Variants in AGMO observed in about 807,000 individuals in gnomAD.
AGMO encodes the protein alkylglycerol monooxygenase.
A neutral mutation model predicts 60.2 loss-of-function variants in AGMO; 75 were observed. The ratio of observed to expected loss-of-function variants is 1.25; its 90% confidence interval spans 1.03 to 1.51. AGMO has a LOEUF of 1.51. Among genes scored for constraint, AGMO ranks in the 40% most tolerant of loss-of-function variants. The pLI is 0.00. For synonymous variants in AGMO, 261 were observed against 177.1 expected (o/e 1.47, Z -3.76); for missense variants, 763 against 525.5 (o/e 1.45, Z -4.42).
intron 5 of AGMO, chr7:15,396,410 G>C (rs532184692): frequency 6.6e-6 from 1 of 152,182 alleles, no homozygotes; most frequent in East Asian, 1.9e-4. Context: ...GAGTTTCCTT[G>C]GTTCAGTAAC....
At chr7:15,179,246 C>A in the AGMO span, among the ~76,000 whole-genome samples, 1 of 152,054 alleles carries the variant, frequency 6.6e-6, no homozygotes, top group Non-Finnish European at 1.5e-5. Context: ...TAGCATCAAC[C>A]CCAAAGTCCA....
chr7:15,463,068 T>G (rs1782187230), intron 3 of AGMO, among the ~76,000 whole-genome samples: 1 of 152,144 alleles, frequency 6.6e-6, no homozygotes, highest in Non-Finnish European at 1.5e-5. Context: ...GAATAAGATA[T>G]AAAAATAAGT....
chr7:15,464,879 C>T (rs1194595831), intron 3 of AGMO, among the ~76,000 whole-genome samples: 1 of 152,108 alleles, frequency 6.6e-6, no homozygotes, highest in Non-Finnish European at 1.5e-5. Context: ...GAAATAATAA[C>T]TTGATAGCTT....
chr7:15,484,626 T>A (rs191577146), intron 3 of AGMO, among the ~76,000 whole-genome samples: 1 of 152,280 alleles, frequency 6.6e-6, no homozygotes, highest in Admixed American at 6.5e-5. Context: ...GCTCTTGAAA[T>A]GTTTTGACAA....
chr7:15,545,390 T>A (rs2078047810), intron 2 of AGMO, among the ~76,000 whole-genome samples: 1 of 152,114 alleles, frequency 6.6e-6, no homozygotes, highest in South Asian at 2.1e-4. Context: ...TTCAAATATT[T>A]TGATCCCATA....
At chr7:15,154,086 A>G in the AGMO span, among the ~76,000 whole-genome samples, 1 of 152,270 alleles carries the variant, frequency 6.6e-6, no homozygotes, top group East Asian at 1.9e-4. Flanking sequence ...AGGAAATCAA[A>G]CTGTTACTGT....
chr7:15,413,420 A>C (rs2128492932), intron 5 of AGMO, among the ~76,000 whole-genome samples: 1 of 152,284 alleles, frequency 6.6e-6, no homozygotes, highest in Middle Eastern at 3.4e-3. Flanking sequence ...ACAATGTTTA[A>C]GAAAATCATG....
At chr7:15,507,175 T>C (rs200580808) in intron 3 of AGMO, among the ~76,000 whole-genome samples, 2 of 151,994 alleles carry the variant, frequency 1.3e-5, no homozygotes, top group East Asian at 3.9e-4. Flanking sequence ...AAGGACAAAG[T>C]GCTATCAGCA....
At chr7:15,541,743 T>C (rs145291453) in intron 3 of AGMO, among the ~76,000 whole-genome samples, 104 of 152,180 alleles carry the variant, frequency 6.8e-4, no homozygotes, top group African/African-American at 2.4e-3. Context: ...CACAAACAAA[T>C]GACAACAACA....
chr7:15,159,802 T>A, the AGMO span, among the ~76,000 whole-genome samples: 1 of 152,180 alleles, frequency 6.6e-6, no homozygotes, highest in Non-Finnish European at 1.5e-5. Context: ...TACATGCGAT[T>A]CTCAAGGTCC....
intron 12 of AGMO, among the ~76,000 whole-genome samples, chr7:15,250,802 C>A (rs192646619): frequency 6.6e-6 from 1 of 151,612 alleles, no homozygotes; most frequent in African/African-American, 2.4e-5. Context: ...AAAATGAGAC[C>A]GGCATGGTGG....
chr7:15,322,927 T>C (rs1298130253), intron 12 of AGMO, among the ~76,000 whole-genome samples: 3 of 147,694 alleles, frequency 2.0e-5, no homozygotes, highest in African/African-American at 4.9e-5. Flanking sequence ...TATATGTGTT[T>C]ACATATGTGT....
In AGMO at chr7:15,557,640, A is replaced by G. The variant is rs79851180; in HGVS notation, c.257+2501T>C. 9.4e-4 allele frequency among the ~76,000 whole-genome samples: 143 copies of G among 151,940 alleles called. 2 individuals carry two copies. The East Asian group carries it at 0.026, about 28-fold the overall frequency. Reference sequence around the variant, plus strand: ...AAATAAAATAAAAATATTTTTCACCATAGTTTTATATAACAAAACAAAAAA... The same window carrying G: ...AAATAAAATAAAAATATTTTTCACCGTAGTTTTATATAACAAAACAAAAAA... On this transcript the variant is annotated intron_variant, in intron 2 of 12. Transcript: ENST00000342526.
chr7:15,289,580 A>G (rs997010803), intron 12 of AGMO, among the ~76,000 whole-genome samples: 9 of 152,206 alleles, frequency 5.9e-5, no homozygotes, highest in African/African-American at 2.2e-4. Context: ...AGCAGTTCAT[A>G]CATAGGTTCT....
At chr7:15,166,319 C>T in the AGMO span, among the ~76,000 whole-genome samples, 45 of 152,162 alleles carry the variant, frequency 3.0e-4, no homozygotes, top group African/African-American at 9.6e-4. Flanking sequence ...AAGACCACAC[C>T]GGTGGATGGA....
chr7:15,474,487 T>G lies in AGMO; in HGVS notation c.410-43379A>C, dbSNP rs188656364. Among the ~76,000 whole-genome samples the G allele has an allele frequency of 1.8e-3, 279 of 152,208 alleles. 2 individuals carry two copies. Among genetic ancestry groups the G allele is most frequent in the Middle Eastern group, 0.017 (5 of 294 alleles). ...AATAACTGGTGTCGGAAAAACTGGA[T>G]AGCGATATGCAGAAAACTGAAACTG... On this transcript the variant is annotated intron_variant, in intron 3 of 12. Coordinates refer to ENST00000342526, the MANE Select transcript of AGMO (RefSeq NM_001004320.2).
At chr7:15,336,418 C>CA (rs141362853) in intron 12 of AGMO, among the ~76,000 whole-genome samples, 9,750 of 140,550 alleles carry the variant, frequency 0.069, 409 homozygotes, top group African/African-American at 0.13. Flanking sequence ...CTCAATATGG[C>CA]AAAAAAAAAA....
chr7:15,366,355 C>G (rs973435468), intron 10 of AGMO, 133 bp from the exon 11 acceptor site: 18 of 529,602 alleles, frequency 3.4e-5, no homozygotes, highest in African/African-American at 2.8e-4. Flanking sequence ...TTACAGAAAG[C>G]TTGACTACAC....
chr7:15,388,379 G>A (rs1305285107), intron 8 of AGMO, among the ~76,000 whole-genome samples: 3 of 152,200 alleles, frequency 2.0e-5, no homozygotes, highest in South Asian at 2.1e-4. Context: ...GAATAGATCT[G>A]AGGAATAGGT....
Sources: gnomAD v4.1 joint callset for allele counts (sites outside exome capture counted in the v4.1 genomes callset) on GRCh38, gnomAD v4.1.1 for gene constraint, MANE v1.5 for transcripts, NCBI Gene and HGNC (gene_info 2026-07-23, HGNC 2026-07-21) for gene names.